EMC8: variants seen among roughly 807,000 people sequenced by gnomAD.
The protein encoded by EMC8 is ER membrane protein complex subunit 8.
Under a neutral mutation model 24.3 loss-of-function variants are expected in EMC8, and 11 were observed. The ratio of observed to expected loss-of-function variants is 0.45; its 90% CI spans 0.28 to 0.75. The LOEUF (loss-of-function observed/expected upper bound fraction) is 0.75. EMC8 is among the 30% of genes least tolerant of loss of function. The pLI, the probability that EMC8 is intolerant of heterozygous loss-of-function variation, is 0.12. For missense variants in EMC8, 277 were observed against 282.7 expected, an observed-to-expected ratio of 0.98 and a Z score of 0.14; for synonymous variants, 145 against 117.7, an observed-to-expected ratio of 1.23 and a Z score of -1.50.
At chr16:85,788,795 G>T in intron 2 of EMC8, 179 bp downstream of exon 2, 2 of 608,160 alleles carry the variant, frequency 3.3e-6, no homozygotes, top group South Asian at 1.9e-5. Flanking sequence ...AGAAATGTTT[G>T]GAATTTCTGT....
intron 3 of EMC8, chr16:85,780,702 A>C: frequency 1.8e-6 from 1 of 566,416 alleles, no homozygotes; most frequent in Non-Finnish European, 3.2e-6. Context: ...CGAAGCTTCC[A>C]AACATGACTT....
intron 2 of EMC8, chr16:85,784,452 T>G (rs971023154): frequency 6.6e-6 from 1 of 152,266 alleles, no homozygotes; most frequent in East Asian, 1.9e-4. Context: ...TTATTGTATT[T>G]TCGTTTTCAA....
chr16:85,788,779 G>A, intron 2 of EMC8, 195 bp downstream of exon 2: 1 of 597,970 alleles, frequency 1.7e-6, no homozygotes, highest in Non-Finnish European at 3.0e-6. Context: ...GAATTCCAAA[G>A]TTAATAGAAA....
At position 85,799,197 on chromosome 16, in the gene EMC8, C is replaced by T; in HGVS notation, c.99G>A (p.Glu33=). The stretch of plus-strand genomic sequence containing the variant: ...GGTGCTCCTTACGCGGCTTCTGCTT[C>T]TCGGCCACCAGGAGCCCGTTGACGG... The part of the protein sequence containing the change: ...HCAVNGLLVA[E]KQKPRKEHLP... Residue 33 remains glutamate (E), a synonymous_variant, in exon 1 of 5, where the codon GAG becomes GAA. Transcript: ENST00000253457. This position sits in a 1 kb window ranked among gnomAD's most constrained non-coding sequence, Gnocchi z 4.2. The T allele has an allele frequency of 6.2e-7, 1 of 1,613,370 alleles. No homozygotes were observed. Among genetic ancestry groups the T allele is most frequent in the Non-Finnish European group, 8.5e-7 (1 of 1,179,834 alleles).
chr16:85,793,417 G>T (rs1330995271), intron 1 of EMC8, among the ~76,000 whole-genome samples: 1 of 152,156 alleles, frequency 6.6e-6, no homozygotes, highest in Non-Finnish European at 1.5e-5. Context: ...TCTTTCTATG[G>T]AATGAGAAGG....
At chr16:85,780,580 CAG>C in intron 3 of EMC8, 107 bp from the exon 4 acceptor site, 1 of 745,816 alleles carries the variant, frequency 1.3e-6, no homozygotes, top group Non-Finnish European at 2.3e-6. Context: ...CTGGCTGGGG[CAG>C]AGACTCTTCC....
chr16:85,780,413 G>A lies in EMC8; in HGVS notation c.439C>T (p.His147Tyr), dbSNP rs753169178. 3.7e-6 allele frequency: 6 copies of A among 1,614,174 alleles called. No individual in the cohort carries two copies. The South Asian group carries it at 4.4e-5, about 12-fold the overall frequency. The change falls in exon 4 of 5, where the codon CAT becomes TAT. Residue 147 changes from histidine to tyrosine, a missense_variant. Physicochemically the swap from His to Tyr is moderately conservative, Grantham distance 83 (BLOSUM62 2). Coordinates refer to ENST00000253457, the MANE Select transcript of EMC8 (RefSeq NM_006067.5). Reference sequence around the variant, plus strand: ...TCTCTGCACCGCCATCTGTTCTCATGGTGCTCGTACACGTGGATCGTAGGC... The same window carrying A: ...TCTCTGCACCGCCATCTGTTCTCATAGTGCTCGTACACGTGGATCGTAGGC... ...VAPTIHVYEH[H>Y]ENRWRCRDPH...
At chr16:85,787,468 C>A (rs553417917) in intron 2 of EMC8, 3 of 152,316 alleles carry the variant, frequency 2.0e-5, no homozygotes, top group Non-Finnish European at 4.4e-5. Context: ...CAGAGGGCTG[C>A]GCTTTCCTCA....
chr16:85,780,541 T>G, intron 3 of EMC8, 68 bp from the exon 4 acceptor site: 2 of 1,162,104 alleles, frequency 1.7e-6, no homozygotes, highest in Non-Finnish European at 2.5e-6. Flanking sequence ...AGGCGCCTCC[T>G]CGGGGCTCTC....
In EMC8 at chr16:85,779,586, T is replaced by C. The variant is rs1265101974; in HGVS notation, c.*122A>G. The C allele has an allele frequency of 2.0e-6, 2 of 1,014,734 alleles. No homozygotes were observed. Among genetic ancestry groups the C allele is most frequent in the African/African-American group, 1.6e-5 (1 of 62,784 alleles). 62.9% of individuals were successfully genotyped at this position (1,014,734 alleles called of 1,614,324 possible). A position where few individuals can be genotyped will look rare whatever the true frequency, so the allele number is the denominator to read the frequency against. ...ACATTCTGCCCCCTTTCAAGGCACATGCCACTTCTTAAAACGGTCAGCTTT... is the reference window on the plus strand; with the variant it reads ...ACATTCTGCCCCCTTTCAAGGCACACGCCACTTCTTAAAACGGTCAGCTTT... On this transcript the variant is annotated 3_prime_UTR_variant, in exon 5 of 5. Transcript: ENST00000253457.
chr16:85,783,349 G>T (rs1034836980), intron 2 of EMC8, among the ~76,000 whole-genome samples: 5 of 152,078 alleles, frequency 3.3e-5, no homozygotes, highest in African/African-American at 1.2e-4. Context: ...CTGGAGCATG[G>T]TGGCTATTCA....
At chr16:85,796,105 A>G (rs1489496535) in intron 1 of EMC8, among the ~76,000 whole-genome samples, 2 of 151,974 alleles carry the variant, frequency 1.3e-5, no homozygotes, top group African/African-American at 4.8e-5. Context: ...CTCAATCTAC[A>G]TCCATCTCTG....
At chr16:85,798,011 T>C (rs1308492538) in intron 1 of EMC8, among the ~76,000 whole-genome samples, 1 of 151,868 alleles carries the variant, frequency 6.6e-6, no homozygotes, top group African/African-American at 2.4e-5. Context: ...GCATGCTACA[T>C]CTTTTTTCCC....
chr16:85,789,269 A>T (rs1194740866), intron 1 of EMC8, among the ~76,000 whole-genome samples: 1 of 152,238 alleles, frequency 6.6e-6, no homozygotes, highest in Non-Finnish European at 1.5e-5. Context: ...AGTCCCAGCG[A>T]GAAGACCCTT....
Position 85,779,738 on chromosome 16 carries a change from C to A in EMC8, c.603G>T (p.Glu201Asp). The stretch of plus-strand genomic sequence containing the variant: ...ACAAGTGTAGGACAGCTTTATTGAT[C>A]TCTGGGTTTGTCCAGTCATTCCGAA... ...DDIRNDWTNP[E>D]INKAVLHLC The change falls in exon 5 of 5, where the codon GAG becomes GAT. Residue 201 changes from glutamate (E) to aspartate (D), a missense_variant. Transcript: ENST00000253457. 6.2e-7 allele frequency: 1 copy of A among 1,614,252 alleles called. No individual in the cohort carries two copies. Among genetic ancestry groups the A allele is most frequent in the Non-Finnish European group, 8.5e-7 (1 of 1,180,048 alleles).
rs1032229646 is a variant in EMC8, at chr16:85,799,286, C to T, written c.10G>A (p.Val4Met). ...CAGTAGGCCTGGGTGGTCAGTTTCA[C>T]CCCGGGCATGCTGACCCGGGAGGGC... Reference protein sequence around the residue: MPGVKLTTQAYCKM... With the variant: MPGMKLTTQAYCKM... Residue 4 changes from valine (V) to methionine (M), a missense_variant, in exon 1 of 5, where the codon GTG (valine) becomes ATG (methionine). Val to Met is a conservative substitution (Grantham distance 21). Transcript: ENST00000253457. This position sits in a 1 kb window ranked among gnomAD's most constrained non-coding sequence, Gnocchi z 4.2. The T allele has an allele frequency of 6.2e-7, 1 of 1,603,638 alleles. No homozygotes were observed. The highest frequency in any genetic ancestry group is 8.5e-7 in the Non-Finnish European group (1 of 1,177,094).
chr16:85,778,899 A>T lies in EMC8; in HGVS notation c.*809T>A, dbSNP rs1266840450. The stretch of plus-strand genomic sequence containing the variant: ...GTTACAAAACTTGACCAAATGTTCT[A>T]AGTATAAAAAGTACAGACGTCACTC... On this transcript the variant is annotated 3_prime_UTR_variant, in exon 5 of 5. Coordinates refer to ENST00000253457, the MANE Select transcript of EMC8 (RefSeq NM_006067.5). The T allele has an allele frequency of 6.6e-6, 1 of 152,236 alleles. No individual in the cohort carries two copies. Among genetic ancestry groups the T allele is most frequent in the Non-Finnish European group, 1.5e-5 (1 of 68,040 alleles). 9.4% of individuals were successfully genotyped at this position (152,236 alleles called of 1,614,324 possible).
chr16:85,796,992 A>T (rs1429269768), intron 1 of EMC8, among the ~76,000 whole-genome samples: 2 of 151,928 alleles, frequency 1.3e-5, no homozygotes, highest in African/African-American at 4.9e-5. Flanking sequence ...CACAAAGCAG[A>T]TACTCAAAAA....
intron 1 of EMC8, 94 bp downstream of exon 1, chr16:85,798,971 C>A: frequency 1.1e-6 from 1 of 880,278 alleles, no homozygotes; most frequent in Non-Finnish European, 1.7e-6. Context: ...GTCCTAGGAG[C>A]CTGCTGGAGG....
Sources: gnomAD v4.1 joint callset for allele counts (sites outside exome capture counted in the v4.1 genomes callset) on GRCh38, gnomAD v4.1.1 for gene constraint, Gnocchi (gnomAD v3.1) non-coding constraint, MANE v1.5 for transcripts, NCBI Gene and HGNC (gene_info 2026-07-23, HGNC 2026-07-21) for gene names.